NXF1: variants seen among roughly 807,000 people sequenced by gnomAD.
The protein encoded by NXF1 is mRNA export factor TAP.
A neutral mutation model predicts 92.4 loss-of-function variants in NXF1; 43 were observed. The ratio of observed to expected loss-of-function variants is 0.47; its 90% confidence interval spans 0.36 to 0.60. The LOEUF (loss-of-function observed/expected upper bound fraction) is 0.60. NXF1 is among the 20% of genes least tolerant of loss of function. The pLI, the probability that NXF1 is intolerant of heterozygous loss-of-function variation, is 0.00. For missense variants in NXF1, 576 were observed against 793.0 expected (o/e 0.73, Z 3.29); for synonymous variants, 288 against 292.2 (o/e 0.99, Z 0.15).
rs774463524 is a variant in NXF1 at position 62,795,900 on chromosome 11, C to G, written c.1504+1G>C. ...AAACTCGGGACTCTAAAGATTCTTA[C>G]CTTCCTTGAAGACTCCATTGACAGA... On this transcript the variant is annotated splice_donor_variant, in intron 17 of 20. Coordinates refer to ENST00000294172, the MANE Select transcript of NXF1 (RefSeq NM_006362.5). LOFTEE classifies it high-confidence loss of function. 6.2e-7 allele frequency: 1 copy of G among 1,613,502 alleles called. No homozygotes were observed. The highest frequency in any genetic ancestry group is 8.5e-7 in the Non-Finnish European group (1 of 1,179,908).
chr11:62,792,420 A>T lies in NXF1; in HGVS notation c.*56T>A. 6.2e-7 allele frequency: 1 copy of T among 1,604,388 alleles called. No homozygotes were observed. The highest frequency in any genetic ancestry group is 8.5e-7 in the Non-Finnish European group (1 of 1,171,136). ...GGAGGAGATGACAGACGACAACCAG[A>T]CGGTAATATCCAAGGACTATTTACA... On this transcript the variant is annotated 3_prime_UTR_variant, in exon 21 of 21. Transcript: ENST00000294172.
chr11:62,792,760 G>A (rs767275181), intron 19 of NXF1, 59 bp from the exon 20 acceptor site: 19 of 1,568,850 alleles, frequency 1.2e-5, no homozygotes, highest in Non-Finnish European at 1.6e-5. Flanking sequence ...CCAGCTGAAA[G>A]TCCACTCCAT....
rs527300714 is a variant in NXF1 at position 62,797,098 on chromosome 11, A to C, written c.1178+85T>G. ...AAAAAAAAAAACAAAACAAAAAACA[A>C]AACAAAAAGATTGATGTGTGCCTGG... On this transcript the variant is annotated intron_variant, in intron 13 of 20. Transcript: ENST00000294172. 141 of 1,255,060 alleles carry C rather than the reference A, an allele frequency of 1.1e-4. 1 individual carries two copies. In the South Asian group the frequency reaches 1.5e-3, roughly 14 times the overall value. 77.7% of individuals were successfully genotyped at this position (1,255,060 alleles called of 1,614,324 possible).
intron 10 of NXF1, chr11:62,800,092 G>A (rs2084462216): frequency 7.9e-7 from 1 of 1,258,372 alleles, no homozygotes; most frequent in Non-Finnish European, 1.0e-6. Flanking sequence ...GCCTTTCCTG[G>A]AACAACAGGG....
rs970632262 is a variant in NXF1 at position 62,803,539 on chromosome 11, A to T, written c.249T>A (p.Gly83=). The change falls in exon 3 of 21, where the codon GGT becomes GGA. Residue 83 remains glycine (G), a synonymous_variant. Transcript: ENST00000294172. ...NPYTTRPNRR[G]DTWHDRDRIH... is the part of the protein sequence containing the mutation. ...TGCGATCTCGATCATGCCAAGTATCACCCCGACGGTTAGGTCGGGTGGTAT... is the reference window on the plus strand; with the variant it reads ...TGCGATCTCGATCATGCCAAGTATCTCCCCGACGGTTAGGTCGGGTGGTAT... 1.2e-6 allele frequency: 2 copies of T among 1,613,972 alleles called. No individual in the cohort carries two copies. The highest frequency in any genetic ancestry group is 8.5e-7 in the Non-Finnish European group (1 of 1,179,998).
chr11:62,798,598 G>C, intron 10 of NXF1, 23 bp from the exon 11 acceptor site: 1 of 1,613,742 alleles, frequency 6.2e-7, no homozygotes, highest in Non-Finnish European at 8.5e-7. Flanking sequence ...GGACAGAAGT[G>C]AGTGATGCTT....
At position 62,801,114 on chromosome 11, in the gene NXF1, G is replaced by A. The variant is rs1237183619; in HGVS notation, c.886C>T (p.Leu296=). The change falls in exon 9 of 21, where the codon CTA becomes TTA. Residue 296 remains leucine (L), a synonymous_variant. Coordinates refer to ENST00000294172, the MANE Select transcript of NXF1 (RefSeq NM_006362.5). ...IVQKAPNLKI[L]NLSGNELKSE... Reference sequence around the variant, plus strand: ...CTCACTTCATTTCCAGAAAGGTTTAGGATCTTCAGGTTGGGTGCCTTCTGA... The same window carrying A: ...CTCACTTCATTTCCAGAAAGGTTTAAGATCTTCAGGTTGGGTGCCTTCTGA... 1 of 1,613,846 alleles carries A rather than the reference G, an allele frequency of 6.2e-7. No individual in the cohort carries two copies. The highest frequency in any genetic ancestry group is 1.7e-5 in the Admixed American group (1 of 60,018).
At position 62,794,399 on chromosome 11, in the gene NXF1, C is replaced by T; in HGVS notation, c.1619G>A (p.Ser540Asn). 6.2e-7 allele frequency: 1 copy of T among 1,614,154 alleles called. No individual in the cohort carries two copies. Among genetic ancestry groups the T allele is most frequent in the Non-Finnish European group, 8.5e-7 (1 of 1,179,986 alleles). ...GAAGGCTCTTTGGATCTCTTCAGAACTGGCATTCCGCACAAATAGCTCATC... is the reference window on the plus strand; with the variant it reads ...GAAGGCTCTTTGGATCTCTTCAGAATTGGCATTCCGCACAAATAGCTCATC... ...VNDELFVRNA[S>N]SEEIQRAFAM... The change falls in exon 19 of 21, where the codon AGT becomes AAT. Residue 540 changes from serine (S) to asparagine (N), a missense_variant. Transcript: ENST00000294172.
At position 62,802,064 on chromosome 11, in the gene NXF1, A is replaced by C; in HGVS notation, c.454-18T>G. 1 of 1,612,436 alleles carries C rather than the reference A, an allele frequency of 6.2e-7. No individual in the cohort carries two copies. The highest frequency in any genetic ancestry group is 8.5e-7 in the Non-Finnish European group (1 of 1,178,438). On this transcript the variant is annotated intron_variant, in intron 4 of 20. Transcript: ENST00000294172. ...TAGTGAAACTACAAGAGGAAACAGG[A>C]GCATTACACTGGGAGTCCAGAGCCC...
rs200741992 is a variant in NXF1 at position 62,801,381 on chromosome 11, C to T, written c.746G>A (p.Arg249His). 1.2e-5 allele frequency: 20 copies of T among 1,613,948 alleles called. No individual in the cohort carries two copies. Among genetic ancestry groups the T allele is most frequent in the African/African-American group, 2.7e-5 (2 of 74,922 alleles). ...CAGGGTAGCTGCCATACAGCTTCTG[C>T]GATTCAGGACAACGTCAATGTTCTG... ...VAQNIDVVLN[R>H]RSCMAATLRI... The change falls in exon 8 of 21, where the codon CGC becomes CAC. Residue 249 changes from arginine to histidine, a missense_variant. Physicochemically the swap from Arg to His is conservative, Grantham distance 29. Coordinates refer to ENST00000294172, the MANE Select transcript of NXF1 (RefSeq NM_006362.5).
At chr11:62,794,745 G>A in intron 18 of NXF1, 190 bp downstream of exon 18, 1 of 607,842 alleles carries the variant, frequency 1.6e-6, no homozygotes, top group Non-Finnish European at 2.9e-6. Flanking sequence ...AAGTGGTGGA[G>A]CCAGGATGAA....
chr11:62,798,025 C>T (rs925572583), intron 11 of NXF1, among the ~76,000 whole-genome samples: 9 of 150,650 alleles, frequency 6.0e-5, no homozygotes, highest in Non-Finnish European at 1.2e-4. Context: ...CCCAGCTACT[C>T]AGGAGGCTGA....
chr11:62,800,074 G>A (rs2084461888), intron 10 of NXF1: 6 of 1,235,410 alleles, frequency 4.9e-6, no homozygotes, highest in Non-Finnish European at 6.1e-6. Flanking sequence ...AGAGTAGAAA[G>A]GGGAGATGCC....
rs756215627 is a variant in NXF1, at chr11:62,796,489, G to A, written c.1257C>T (p.Ser419=). 3 of 1,614,172 alleles carry A rather than the reference G, an allele frequency of 1.9e-6. No individual in the cohort carries two copies. Among genetic ancestry groups the A allele is most frequent in the Non-Finnish European group, 2.5e-6 (3 of 1,180,030 alleles). ...AYHDGACCSL[S]IPFIPQNPAR... ...CAGGGTTCTGAGGAATGAAAGGAAT[G>A]CTCAGGGAACAGCAGGCCCCATCAT... Residue 419 remains serine (S), a synonymous_variant, in exon 14 of 21, where the codon AGC becomes AGT. Coordinates refer to ENST00000294172, the MANE Select transcript of NXF1 (RefSeq NM_006362.5).
rs1414410963 is a variant in NXF1, at chr11:62,796,467, G to C, written c.1279C>G (p.Pro427Ala). ...CTGGGATGTGATACTAACCGGGCAG[G>C]GTTCTGAGGAATGAAAGGAATGCTC... ...SLSIPFIPQN[P>A]ARSSLAEYFK... The change falls in exon 14 of 21, where the codon CCT becomes GCT. Residue 427 changes from proline (P) to alanine (A), a missense_variant. By Grantham distance (27) the Pro-to-Ala change is conservative. Coordinates refer to ENST00000294172, the MANE Select transcript of NXF1 (RefSeq NM_006362.5). 1.2e-6 allele frequency: 2 copies of C among 1,614,096 alleles called. No individual in the cohort carries two copies. The highest frequency in any genetic ancestry group is 1.7e-6 in the Non-Finnish European group (2 of 1,179,984).
At position 62,796,251 on chromosome 11, in the gene NXF1, C is replaced by A. The variant is rs777591405; in HGVS notation, c.1345+36G>T. 4.3e-6 allele frequency: 7 copies of A among 1,613,408 alleles called. 1 individual carries two copies. The South Asian group carries it at 7.7e-5, about 18-fold the overall frequency. On this transcript the variant is annotated intron_variant, in intron 15 of 20. Transcript: ENST00000294172. ...GAGTTCTGACTGATTCCTTCCCATG[C>A]CCTTTTCCCATATTTTGTTCGTATC...
In NXF1 at chr11:62,803,947, T is replaced by C; in HGVS notation, c.60A>G (p.Gln20=). The change falls in exon 2 of 21, where the codon CAA becomes CAG. Residue 20 remains glutamine (Q), a synonymous_variant. Coordinates refer to ENST00000294172, the MANE Select transcript of NXF1 (RefSeq NM_006362.5). ...EHDDERVNFP[Q]RKKKGRGPFR... is the part of the protein sequence containing the mutation. Reference sequence around the variant, plus strand: ...AGGGACCCCGGCCTTTCTTCTTTCTTTGAGGGAAATTAACGCGTTCATCAT... The same window carrying C: ...AGGGACCCCGGCCTTTCTTCTTTCTCTGAGGGAAATTAACGCGTTCATCAT... The C allele has an allele frequency of 6.2e-7, 1 of 1,613,968 alleles. No individual in the cohort carries two copies. The highest frequency in any genetic ancestry group is 8.5e-7 in the Non-Finnish European group (1 of 1,179,982).
At position 62,792,350 on chromosome 11, in the gene NXF1, C is replaced by A; in HGVS notation, c.*126G>T. The A allele has an allele frequency of 8.7e-7, 1 of 1,150,478 alleles. No homozygotes were observed. Among genetic ancestry groups the A allele is most frequent in the South Asian group, 1.2e-5 (1 of 81,110 alleles). 71.3% of individuals were successfully genotyped at this position (1,150,478 alleles called of 1,614,324 possible). A position where few individuals can be genotyped will look rare whatever the true frequency, so the allele number is the denominator to read the frequency against. On this transcript the variant is annotated 3_prime_UTR_variant, in exon 21 of 21. Coordinates refer to ENST00000294172, the MANE Select transcript of NXF1 (RefSeq NM_006362.5). ...CAGGCGAGGAGAGGGATCAGGCAGC[C>A]CTCCCTCCCTCGGTCACAGTCACGG... is the stretch of plus-strand genomic sequence containing the variant.
Position 62,795,964 on chromosome 11 carries a change from G to A in NXF1, c.1462-21C>T, listed in dbSNP as rs753202459. 2.5e-6 allele frequency: 4 copies of A among 1,613,804 alleles called. No homozygotes were observed. In the South Asian group the frequency reaches 4.4e-5, roughly 18 times the overall value. ...GTGCTCTGAAAGAGAAGCAGCATCA[G>A]GTACAATGTACACTTCTCAGAGCCT... On this transcript the variant is annotated intron_variant, in intron 16 of 20. Transcript: ENST00000294172.
Sources: gnomAD v4.1 joint callset for allele counts (sites outside exome capture counted in the v4.1 genomes callset) on GRCh38, gnomAD v4.1.1 for gene constraint, MANE v1.5 for transcripts, NCBI Gene and HGNC (gene_info 2026-07-23, HGNC 2026-07-21) for gene names.